The following ZZEF1 variants were observed in gnomAD, a reference collection of about 807,000 sequenced individuals.
ZZEF1 encodes zinc finger ZZ-type and EF-hand domain-containing protein 1.
Under a neutral mutation model 342.8 loss-of-function variants are expected in ZZEF1, and 157 were observed. The ratio of observed to expected loss-of-function variants is 0.46; its 90% confidence interval spans 0.40 to 0.52. The LOEUF is 0.52. ZZEF1 is among the 20% of genes least tolerant of loss of function. The pLI, the probability that ZZEF1 is intolerant of heterozygous loss-of-function variation, is 0.00. For synonymous variants in ZZEF1, 1,505 were observed against 1,429.1 expected (o/e 1.05, Z -1.20); for missense variants, 3,480 against 3,725.6 (o/e 0.93, Z 1.72).
In ZZEF1 at chr17:4,142,784, C is replaced by G. The variant is rs775428409; in HGVS notation, c.112G>C (p.Gly38Arg). The G allele has an allele frequency of 9.8e-6, 14 of 1,423,098 alleles. No individual in the cohort carries two copies. The African/African-American group carries it at 2.1e-4, about 21-fold the overall frequency. 88.2% of individuals were successfully genotyped at this position (1,423,098 alleles called of 1,614,324 possible). ...GGTGGTAGCGCTGGAGCCGCGACGC[C>G]CGGGCCGGGGGTCGTGCCCGAGACC... ...AAVSGTTPGP[G>R]VAAPALPPAA... Residue 38 changes from glycine to arginine, a missense_variant, in exon 1 of 55, where the codon GGC becomes CGC. By Grantham distance (125) the Gly-to-Arg change is moderately radical (BLOSUM62 -2). Transcript: ENST00000381638.
chr17:4,118,896 T>A (rs997805030), intron 2 of ZZEF1, among the ~76,000 whole-genome samples: 3 of 152,198 alleles, frequency 2.0e-5, no homozygotes, highest in African/African-American at 7.2e-5. Flanking sequence ...TTGCTACTTC[T>A]CACTCACTGA....
chr17:4,134,885 A>G (rs1364797356), intron 1 of ZZEF1, among the ~76,000 whole-genome samples: 1 of 152,174 alleles, frequency 6.6e-6, no homozygotes, highest in Non-Finnish European at 1.5e-5. Context: ...GTTTGAAAGT[A>G]TATGGCGAGG....
chr17:4,024,813 T>C (rs929878488), intron 43 of ZZEF1, 106 bp downstream of exon 43: 2 of 1,108,390 alleles, frequency 1.8e-6, no homozygotes, highest in Non-Finnish European at 1.4e-6. Flanking sequence ...CAAGATCCTA[T>C]GGTTTACCAT....
chr17:4,130,835 T>C (rs996621561), intron 1 of ZZEF1, among the ~76,000 whole-genome samples: 3 of 152,070 alleles, frequency 2.0e-5, no homozygotes, highest in South Asian at 2.1e-4. Context: ...AGGATAAAAG[T>C]GCATCACAGT....
chr17:4,095,689 T>C (rs1031832507), intron 11 of ZZEF1, 142 bp downstream of exon 11: 18 of 807,168 alleles, frequency 2.2e-5, no homozygotes, highest in Middle Eastern at 3.8e-4. Flanking sequence ...TGAAGGCTTA[T>C]GGCCACTGAG....
intron 2 of ZZEF1, among the ~76,000 whole-genome samples, chr17:4,119,631 G>A (rs1376450250): frequency 6.6e-6 from 1 of 152,166 alleles, no homozygotes; most frequent in East Asian, 1.9e-4. Flanking sequence ...CACATGACAT[G>A]AGCTTGTGTC....
chr17:4,038,906 C>T (rs751449422), intron 39 of ZZEF1, among the ~76,000 whole-genome samples: 16 of 152,112 alleles, frequency 1.1e-4, no homozygotes, highest in Admixed American at 4.6e-4. Context: ...TCAAAACAAG[C>T]AAAACTAACC....
intron 25 of ZZEF1, 24 bp downstream of exon 25, chr17:4,072,584 G>A (rs1291609160): frequency 6.3e-7 from 1 of 1,584,282 alleles, no homozygotes; most frequent in Admixed American, 1.8e-5. Flanking sequence ...AGTCTAAATA[G>A]AAAGAAAACG....
chr17:4,117,592 G>A (rs928211923), intron 2 of ZZEF1, among the ~76,000 whole-genome samples: 1 of 135,000 alleles, frequency 7.4e-6, no homozygotes, highest in African/African-American at 2.9e-5. Flanking sequence ...AGGTTGCAGT[G>A]AGCCCAGATC....
intron 33 of ZZEF1, among the ~76,000 whole-genome samples, chr17:4,054,821 C>A (rs142491771): frequency 3.3e-3 from 501 of 152,232 alleles, no homozygotes; most frequent in Non-Finnish European, 5.5e-3. Flanking sequence ...TGAGACTGAC[C>A]ATGACCAAAG....
intron 18 of ZZEF1, among the ~76,000 whole-genome samples, chr17:4,080,496 C>T (rs772703647): frequency 3.3e-5 from 5 of 152,040 alleles, no homozygotes; most frequent in African/African-American, 4.8e-5. Context: ...TGTGCCACCA[C>T]GCCCAGCTAA....
chr17:4,097,477 G>A (rs4790558), intron 9 of ZZEF1, among the ~76,000 whole-genome samples: 250 of 13,836 alleles, frequency 0.018, 99 homozygotes, highest in Middle Eastern at 0.15. Flanking sequence ...TTTGAAATGG[G>A]AAAAAAAAAA....
At chr17:4,024,153 C>A (rs2056341660) in intron 43 of ZZEF1, among the ~76,000 whole-genome samples, 1 of 146,394 alleles carries the variant, frequency 6.8e-6, no homozygotes, top group African/African-American at 2.5e-5. Flanking sequence ...TCTCATAAGT[C>A]AGCTGCTCAT....
chr17:4,055,996 C>T (rs974256023), intron 33 of ZZEF1, among the ~76,000 whole-genome samples: 4 of 152,342 alleles, frequency 2.6e-5, no homozygotes, highest in East Asian at 3.9e-4. Context: ...AATCCAATGC[C>T]GCAGCTGATC....
At chr17:4,105,019 ATAATCTT>A (rs2058187952) in intron 7 of ZZEF1, among the ~76,000 whole-genome samples, 2 of 152,262 alleles carry the variant, frequency 1.3e-5, no homozygotes, top group Admixed American at 6.5e-5. Flanking sequence ...CCTCACTTCT[ATAATCTT>A]TAATCTTTAA....
intron 6 of ZZEF1, among the ~76,000 whole-genome samples, chr17:4,106,342 CCT>C (rs1040364270): frequency 6.6e-6 from 1 of 151,882 alleles, no homozygotes; most frequent in African/African-American, 2.4e-5. Context: ...GTTCTGCCTC[CCT>C]CTGTTGAATA....
intron 40 of ZZEF1, 144 bp from the exon 41 acceptor site, chr17:4,033,146 G>T: frequency 1.3e-6 from 1 of 744,582 alleles, no homozygotes; most frequent in Non-Finnish European, 2.1e-6. Flanking sequence ...AATGCTTTTC[G>T]TATAATGGTG....
intron 18 of ZZEF1, among the ~76,000 whole-genome samples, chr17:4,080,788 T>C (rs148401930): frequency 2.5e-4 from 38 of 152,332 alleles, no homozygotes; most frequent in Non-Finnish European, 4.1e-4. Context: ...ACAAGGGGAC[T>C]TGATATAAAT....
At chr17:4,015,783 A>G (rs959485563) in intron 49 of ZZEF1, among the ~76,000 whole-genome samples, 1 of 152,272 alleles carries the variant, frequency 6.6e-6, no homozygotes, top group Non-Finnish European at 1.5e-5. Flanking sequence ...TGCTAAAGGG[A>G]CTACATGGCC....
Sources: allele counts gnomAD v4.1 joint callset (sites outside exome capture counted in the v4.1 genomes callset), GRCh38; gene constraint gnomAD v4.1.1; transcripts MANE v1.5; gene names NCBI Gene and HGNC (gene_info 2026-07-23, HGNC 2026-07-21).